The following DCTN6 variants were observed in gnomAD, a reference collection of about 807,000 sequenced individuals.
DCTN6 encodes the protein dynactin subunit 6.
DCTN6 carries 15 observed loss-of-function variants against 25.8 expected under a neutral mutation model. That is an observed-to-expected ratio of 0.58 (90% CI 0.39 to 0.89). DCTN6 has a LOEUF of 0.89. DCTN6 is among the 40% of genes least tolerant of loss of function. The probability of loss-of-function intolerance (pLI) is 0.00; values close to 1 mark genes in which losing one functional copy is unlikely to be tolerated. For synonymous variants in DCTN6, 64 were observed against 78.3 expected (o/e 0.82, Z 0.96); for missense variants, 198 against 237.6 (o/e 0.83, Z 1.09).
intron 2 of DCTN6, among the ~76,000 whole-genome samples, chr8:30,164,498 C>T (rs114905106): frequency 0.011 from 1,637 of 152,306 alleles, 32 homozygotes; most frequent in African/African-American, 0.037. Flanking sequence ...GACAAAGGTG[C>T]TGCCTTTGTG....
At chr8:30,162,522 A>G (rs1563228305) in intron 1 of DCTN6, among the ~76,000 whole-genome samples, 1 of 152,266 alleles carries the variant, frequency 6.6e-6, no homozygotes, top group African/African-American at 2.4e-5. Flanking sequence ...ATTTAACACC[A>G]TGAATGTCAT....
intron 3 of DCTN6, among the ~76,000 whole-genome samples, chr8:30,175,690 G>C (rs1243253612): frequency 6.8e-6 from 1 of 146,984 alleles, no homozygotes; most frequent in Non-Finnish European, 1.5e-5. Context: ...AAACTGTAAA[G>C]ATTAAAAATA....
intron 2 of DCTN6, among the ~76,000 whole-genome samples, chr8:30,167,637 A>G (rs1028813966): frequency 2.0e-5 from 3 of 152,090 alleles, no homozygotes; most frequent in African/African-American, 7.2e-5. Context: ...CTAGTTTTTG[A>G]CCACTAGCTG....
At chr8:30,174,756 G>T (rs1024690887) in intron 2 of DCTN6, among the ~76,000 whole-genome samples, 1 of 152,024 alleles carries the variant, frequency 6.6e-6, no homozygotes, top group Non-Finnish European at 1.5e-5. Context: ...CAGCATTATC[G>T]CCCCTAGCCC....
chr8:30,178,492 A>G (rs572695568), intron 4 of DCTN6, among the ~76,000 whole-genome samples: 3 of 149,366 alleles, frequency 2.0e-5, no homozygotes, highest in East Asian at 4.1e-4. Flanking sequence ...AAAAAAAAAG[A>G]TAGTAAAATC....
intron 1 of DCTN6, among the ~76,000 whole-genome samples, chr8:30,162,771 A>G (rs1240607664): frequency 6.6e-6 from 1 of 152,218 alleles, no homozygotes; most frequent in Non-Finnish European, 1.5e-5. Context: ...TACTTGGTAA[A>G]AAGTTTCTCA....
chr8:30,180,421 T>G (rs957531225), intron 5 of DCTN6, 67 bp from the exon 6 acceptor site: 1 of 1,556,840 alleles, frequency 6.4e-7, no homozygotes, highest in Non-Finnish European at 8.7e-7. Flanking sequence ...CTAAATCACC[T>G]TAAGAAAAAA....
chr8:30,172,999 CATCTTCCATCCTGAA>C (rs977723427), intron 2 of DCTN6, among the ~76,000 whole-genome samples: 1 of 152,196 alleles, frequency 6.6e-6, no homozygotes. Context: ...AGATCCATCC[CATCTTCCATCCTGAA>C]ATCTTCCATC....
At chr8:30,162,793 G>GTA (rs376082810) in intron 1 of DCTN6, among the ~76,000 whole-genome samples, 30 of 151,506 alleles carry the variant, frequency 2.0e-4, no homozygotes, top group East Asian at 1.9e-3. Context: ...ATATGTGTAT[G>GTA]TATATATATA....
intron 1 of DCTN6, among the ~76,000 whole-genome samples, chr8:30,159,299 G>T (rs1025989942): frequency 6.6e-6 from 1 of 151,626 alleles, no homozygotes; most frequent in Admixed American, 6.6e-5. Context: ...AATTCATGGC[G>T]GTGTGAAGGT....
In DCTN6 at chr8:30,174,582, C is replaced by T. The variant is rs138530461; in HGVS notation, c.89-503C>T. 1.1e-3 allele frequency among the ~76,000 whole-genome samples: 168 copies of T among 152,224 alleles called. 1 individual carries two copies. Among genetic ancestry groups the T allele is most frequent in the African/African-American group, 3.1e-3 (129 of 41,552 alleles). On this transcript the variant is annotated intron_variant, in intron 2 of 6. Transcript: ENST00000221114. ...ATCTCCTGACCTTAAGCGATCTCCCCGCCTTGGCCTCCACATTTCTTCTCA... is the reference window on the plus strand; with the variant it reads ...ATCTCCTGACCTTAAGCGATCTCCCTGCCTTGGCCTCCACATTTCTTCTCA...
At chr8:30,173,822 C>T (rs73581540) in intron 2 of DCTN6, among the ~76,000 whole-genome samples, 2,794 of 151,650 alleles carry the variant, frequency 0.018, 75 homozygotes, top group African/African-American at 0.065. Context: ...CACTTCTGTC[C>T]ACCCTCCCTT....
In DCTN6 at chr8:30,179,428, G is replaced by A; in HGVS notation, c.304G>A (p.Gly102Arg). The A allele has an allele frequency of 6.2e-7, 1 of 1,612,368 alleles. No individual in the cohort carries two copies. Among genetic ancestry groups the A allele is most frequent in the Non-Finnish European group, 8.5e-7 (1 of 1,179,316 alleles). ...TACAGATTCCCAAGCCATGAAGATGGGAGATAATAATGTCATTGAATCAAA... is the reference window on the plus strand; with the variant it reads ...TACAGATTCCCAAGCCATGAAGATGAGAGATAATAATGTCATTGAATCAAA... The part of the protein sequence containing the change: ...VGCYSQAMKM[G>R]DNNVIESKAY... Residue 102 changes from glycine to arginine, a missense_variant, in exon 5 of 7, where the codon GGA (glycine) becomes AGA (arginine). Gly to Arg is a moderately radical substitution (Grantham distance 125). Transcript: ENST00000221114.
chr8:30,177,015 T>G, intron 3 of DCTN6, 111 bp from the exon 4 acceptor site: 1 of 742,980 alleles, frequency 1.3e-6, no homozygotes, highest in East Asian at 2.6e-5. Flanking sequence ...AGTCATGTCT[T>G]TTAAGCTTGA....
intron 2 of DCTN6, among the ~76,000 whole-genome samples, chr8:30,169,002 C>T (rs1009101757): frequency 1.3e-5 from 2 of 152,218 alleles, no homozygotes; most frequent in Non-Finnish European, 2.9e-5. Context: ...AGCACCGTCC[C>T]GTGGTCCATT....
chr8:30,159,926 TA>T (rs1324304700), intron 1 of DCTN6, among the ~76,000 whole-genome samples: 1 of 152,108 alleles, frequency 6.6e-6, no homozygotes, highest in Non-Finnish European at 1.5e-5. Context: ...CATACCCAGC[TA>T]ATTTTTGTAT....
intron 5 of DCTN6, 41 bp downstream of exon 5, chr8:30,179,496 CTT>C: frequency 6.4e-7 from 1 of 1,560,164 alleles, no homozygotes; most frequent in Non-Finnish European, 8.8e-7. Context: ...GCAGTGACCT[CTT>C]TTCTCTTTGT....
intron 2 of DCTN6, among the ~76,000 whole-genome samples, chr8:30,165,237 T>C (rs900781034): frequency 6.6e-6 from 1 of 152,162 alleles, no homozygotes; most frequent in African/African-American, 2.4e-5. Flanking sequence ...TTACGTGAAC[T>C]TGACTAAGTT....
At chr8:30,179,484 A>G in intron 5 of DCTN6, 29 bp downstream of exon 5, 1 of 1,591,334 alleles carries the variant, frequency 6.3e-7, no homozygotes, top group Non-Finnish European at 8.6e-7. Context: ...TTCATTGTCA[A>G]AGCAGTGACC....
Sources: gnomAD v4.1 joint callset for allele counts (sites outside exome capture counted in the v4.1 genomes callset) on GRCh38, gnomAD v4.1.1 for gene constraint, MANE v1.5 for transcripts, NCBI Gene and HGNC (gene_info 2026-07-23, HGNC 2026-07-21) for gene names.